The following STRN variants were observed in gnomAD, a reference collection of about 807,000 sequenced individuals.
The protein encoded by STRN is protein phosphatase 2 regulatory subunit B'''alpha.
Under a neutral mutation model 96.3 loss-of-function variants are expected in STRN, and 53 were observed. That is an observed-to-expected ratio of 0.55 (90% CI 0.44 to 0.69). STRN has a LOEUF of 0.69. Among genes scored for constraint, STRN ranks in the 30% least tolerant of loss-of-function variants. The pLI, the probability that STRN is intolerant of heterozygous loss-of-function variation, is 0.00. For missense variants in STRN, 987 were observed against 963.9 expected (o/e 1.02, Z -0.32); for synonymous variants, 428 against 355.9 (o/e 1.20, Z -2.28).
At chr2:36,933,783 A>G (rs1219489733) in intron 1 of STRN, among the ~76,000 whole-genome samples, 1 of 152,130 alleles carries the variant, frequency 6.6e-6, no homozygotes, top group East Asian at 1.9e-4. Flanking sequence ...CATTTGTATT[A>G]AAGTTAAAAG....
At position 36,839,300 on chromosome 2, in the gene STRN, G is replaced by C. The variant is rs962388893; in HGVS notation, c.*10156C>G. The stretch of plus-strand genomic sequence containing the variant: ...ATATTTTCACTTGTTCCCCCACCTG[G>C]AATGTGCTGCATCAGGTGAAGTTTT... On this transcript the variant is annotated 3_prime_UTR_variant, in exon 18 of 18. Coordinates refer to ENST00000263918, the MANE Select transcript of STRN (RefSeq NM_003162.4). Among the ~76,000 whole-genome samples the C allele has an allele frequency of 6.6e-6, 1 of 151,964 alleles. No individual in the cohort carries two copies. Among genetic ancestry groups the C allele is most frequent in the African/African-American group, 2.4e-5 (1 of 41,360 alleles).
At chr2:36,943,996 T>A (rs1281020850) in intron 1 of STRN, among the ~76,000 whole-genome samples, 1 of 152,046 alleles carries the variant, frequency 6.6e-6, no homozygotes, top group Admixed American at 6.6e-5. Context: ...GGCGGGCACC[T>A]GTAATCCCAG....
chr2:36,876,974 T>C (rs1267916812), intron 10 of STRN, among the ~76,000 whole-genome samples: 1 of 152,110 alleles, frequency 6.6e-6, no homozygotes, highest in Non-Finnish European at 1.5e-5. Context: ...GGTCCCGATC[T>C]CCTGACCTCG....
At chr2:36,929,248 T>C (rs1670504417) in intron 1 of STRN, among the ~76,000 whole-genome samples, 1 of 152,218 alleles carries the variant, frequency 6.6e-6, no homozygotes, top group African/African-American at 2.4e-5. Context: ...TGTATTATTT[T>C]CAATTCTAAT....
intron 6 of STRN, among the ~76,000 whole-genome samples, chr2:36,896,358 A>G (rs1173877795): frequency 6.6e-6 from 1 of 152,234 alleles, no homozygotes; most frequent in Non-Finnish European, 1.5e-5. Flanking sequence ...CTCACTTTAA[A>G]TAAATAAACC....
At chr2:36,911,217 G>A (rs944703414) in intron 3 of STRN, among the ~76,000 whole-genome samples, 1 of 152,108 alleles carries the variant, frequency 6.6e-6, no homozygotes, top group Non-Finnish European at 1.5e-5. Flanking sequence ...GCATGTAGGA[G>A]ATCCACTTCT....
chr2:36,849,340 T>C lies in STRN; in HGVS notation c.*116A>G. On this transcript the variant is annotated 3_prime_UTR_variant, in exon 18 of 18. Coordinates refer to ENST00000263918, the MANE Select transcript of STRN (RefSeq NM_003162.4). ...ACTATACTTCAACAAATGTTCTCTG[T>C]GCTCCTTCAGCAGAACAAAAGGGCA... is the stretch of plus-strand genomic sequence containing the variant. 8.4e-7 allele frequency: 1 copy of C among 1,195,626 alleles called. No individual in the cohort carries two copies. Among genetic ancestry groups the C allele is most frequent in the Non-Finnish European group, 1.2e-6 (1 of 852,434 alleles). 74.1% of individuals were successfully genotyped at this position (1,195,626 alleles called of 1,614,324 possible). A position where few individuals can be genotyped will look rare whatever the true frequency, so the allele number is the denominator to read the frequency against.
rs1009937140 is a variant in STRN, at chr2:36,883,974, T to C, written c.1144A>G (p.Ser382Gly). The C allele has an allele frequency of 3.5e-6, 5 of 1,432,658 alleles. No homozygotes were observed. In the African/African-American group the frequency reaches 7.3e-5, roughly 21 times the overall value. 88.7% of individuals were successfully genotyped at this position (1,432,658 alleles called of 1,614,324 possible). A position where few individuals can be genotyped will look rare whatever the true frequency, so the allele number is the denominator to read the frequency against. The change falls in exon 9 of 18, where the codon AGC becomes GGC. Residue 382 changes from serine (S) to glycine (G), a missense_variant. Ser to Gly is a moderately conservative substitution (Grantham distance 56). Coordinates refer to ENST00000263918, the MANE Select transcript of STRN (RefSeq NM_003162.4). Reference protein sequence around the residue: ...PSVGSPSRPSSSRLPEHEINR... With the variant: ...PSVGSPSRPSGSRLPEHEINR... ...ATTTCATGTTCAGGAAGCCTGGAGC[T>C]GCTGGGTCTGGAAGGTGAACCCACA...
intron 1 of STRN, among the ~76,000 whole-genome samples, chr2:36,951,241 G>A (rs1314253656): frequency 2.6e-5 from 4 of 152,182 alleles, no homozygotes; most frequent in African/African-American, 9.7e-5. Flanking sequence ...GGGGTGGAAG[G>A]AGACAACACT....
rs753993931 is a variant in STRN, at chr2:36,861,223, G to A, written c.1578C>T (p.Ser526=). The A allele has an allele frequency of 6.2e-7, 1 of 1,613,760 alleles. No individual in the cohort carries two copies. ...CACCACTGTAACACTGCTCACCATT[G>A]CTGCTCATTACCACACAAAGCACTG... The part of the protein sequence containing the change: ...KGPVLCVVMS[S]NGEQCYSGGT... Residue 526 remains serine (S), a synonymous_variant, in exon 13 of 18, where the codon AGC becomes AGT. Coordinates refer to ENST00000263918, the MANE Select transcript of STRN (RefSeq NM_003162.4).
At chr2:36,877,668 TG>T (rs1668949565) in intron 10 of STRN, among the ~76,000 whole-genome samples, 4 of 152,192 alleles carry the variant, frequency 2.6e-5, no homozygotes, top group African/African-American at 9.7e-5. Flanking sequence ...CCCTAGTAGC[TG>T]GGATTATAGG....
At chr2:36,927,526 G>GGGC (rs1670445080) in intron 1 of STRN, among the ~76,000 whole-genome samples, 1 of 83,070 alleles carries the variant, frequency 1.2e-5, no homozygotes, top group East Asian at 3.0e-4. Flanking sequence ...CAAAAAAAAG[G>GGGC]GGGGGGGGGG....
At chr2:36,889,808 C>T (rs1202250161) in intron 7 of STRN, among the ~76,000 whole-genome samples, 5 of 151,986 alleles carry the variant, frequency 3.3e-5, no homozygotes, top group South Asian at 2.1e-4. Context: ...TCCAGGAAAC[C>T]GAAAGATTCC....
intron 12 of STRN, among the ~76,000 whole-genome samples, chr2:36,866,921 G>A (rs531649541): frequency 1.8e-4 from 27 of 152,254 alleles, no homozygotes; most frequent in African/African-American, 5.5e-4. Context: ...GGGTGTTACT[G>A]CATGTGAGGT....
At chr2:36,930,345 T>C (rs1387241899) in intron 1 of STRN, among the ~76,000 whole-genome samples, 1 of 151,690 alleles carries the variant, frequency 6.6e-6, no homozygotes, top group East Asian at 1.9e-4. Context: ...GACAGGAAAA[T>C]TGCTTGAACC....
At chr2:36,938,969 GTTTT>G (rs879423060) in intron 1 of STRN, among the ~76,000 whole-genome samples, 3 of 146,618 alleles carry the variant, frequency 2.0e-5, no homozygotes, top group African/African-American at 7.4e-5. Flanking sequence ...AGTGTGTCAA[GTTTT>G]TTTTTTTTAT....
At chr2:36,937,701 GAGA>G (rs1274922480) in intron 1 of STRN, among the ~76,000 whole-genome samples, 2 of 151,380 alleles carry the variant, frequency 1.3e-5, no homozygotes, top group Non-Finnish European at 2.9e-5. Context: ...AAAAAAAAAA[GAGA>G]AGAAGGAAAT....
At chr2:36,938,374 C>T (rs1670759264) in intron 1 of STRN, among the ~76,000 whole-genome samples, 1 of 151,194 alleles carries the variant, frequency 6.6e-6, no homozygotes, top group Non-Finnish European at 1.5e-5. Context: ...TGCAGGGAGC[C>T]AAGATCATGT....
intron 16 of STRN, 78 bp downstream of exon 16, chr2:36,850,922 G>T: frequency 8.6e-7 from 1 of 1,158,390 alleles, no homozygotes. Context: ...ACCACCAAGA[G>T]ACACCAAAAT....
Sources: gnomAD v4.1 joint callset for allele counts (sites outside exome capture counted in the v4.1 genomes callset) on GRCh38, gnomAD v4.1.1 for gene constraint, MANE v1.5 for transcripts, NCBI Gene and HGNC (gene_info 2026-07-23, HGNC 2026-07-21) for gene names.